RPRD2: variants seen among roughly 807,000 people sequenced by gnomAD.
RPRD2 encodes regulation of nuclear pre-mRNA domain containing 2, also known as regulation of nuclear pre-mRNA domain-containing protein 2.
RPRD2 carries 12 observed loss-of-function variants against 104.4 expected under a neutral mutation model. The ratio of observed to expected loss-of-function variants is 0.11; its 90% CI spans 0.07 to 0.19. The LOEUF is 0.19. Among genes scored for constraint, RPRD2 ranks in the 10% least tolerant of loss-of-function variants. RPRD2 has a pLI of 1.00. For missense variants in RPRD2, 1,543 were observed against 1,790.1 expected (o/e 0.86, Z 2.49); for synonymous variants, 714 against 684.9 (o/e 1.04, Z -0.66).
chr1:150,382,445 C>T (rs997440550), intron 1 of RPRD2, among the ~76,000 whole-genome samples: 7 of 152,058 alleles, frequency 4.6e-5, no homozygotes, highest in African/African-American at 1.2e-4. Context: ...AGTGCAATGG[C>T]GATCTCGGCT....
At chr1:150,414,986 CA>C (rs1553888315) in intron 1 of RPRD2, among the ~76,000 whole-genome samples, 2 of 152,110 alleles carry the variant, frequency 1.3e-5, no homozygotes, top group African/African-American at 4.8e-5. Context: ...CGTGCATATA[CA>C]TATGTTGAGA....
chr1:150,443,551 C>T (rs1666545814), intron 5 of RPRD2, among the ~76,000 whole-genome samples: 1 of 152,106 alleles, frequency 6.6e-6, no homozygotes, highest in South Asian at 2.1e-4. Context: ...GTTTATTTTC[C>T]TGTGAAACTC....
chr1:150,418,681 A>C (rs1664544680), intron 2 of RPRD2, among the ~76,000 whole-genome samples: 1 of 152,126 alleles, frequency 6.6e-6, no homozygotes, highest in Admixed American at 6.6e-5. Context: ...CATATCAATA[A>C]TTTTATTTCT....
rs1335523615 is a variant in RPRD2, at chr1:150,471,319, C to T, written c.2371C>T (p.Pro791Ser). ...ELSNSVSTYR[P>S]FGLGSESPYK... ...CTCCAATTCTGTATCTACATATCGA[C>T]CCTTTGGTCTGGGCAGTGAATCTCC... is the stretch of plus-strand genomic sequence containing the variant. The change falls in exon 11 of 11, where the codon CCC becomes TCC. Residue 791 changes from proline to serine, a missense_variant. By Grantham distance (74) the Pro-to-Ser change is moderately conservative. Around this residue, in one of 4 missense-constraint regions of RPRD2, gnomAD observed 880 missense variants for 885.6 expected, o/e 0.99. Transcript: ENST00000369068. The surrounding 1 kb of genome is among the most constrained non-coding windows in gnomAD (Gnocchi z 5.3). The T allele has an allele frequency of 4.3e-6, 7 of 1,613,674 alleles. No individual in the cohort carries two copies. Among genetic ancestry groups the T allele is most frequent in the Middle Eastern group, 3.3e-4 (2 of 6,062 alleles).
chr1:150,406,771 A>G (rs1415883647), intron 1 of RPRD2, among the ~76,000 whole-genome samples: 3 of 152,092 alleles, frequency 2.0e-5, no homozygotes, highest in African/African-American at 4.8e-5. Flanking sequence ...CTGGAGTGCA[A>G]TGGCGTGATC....
chr1:150,386,254 A>G (rs1328700789), intron 1 of RPRD2, among the ~76,000 whole-genome samples: 2 of 152,098 alleles, frequency 1.3e-5, no homozygotes, highest in Non-Finnish European at 2.9e-5. Flanking sequence ...GATTACAGGC[A>G]TGAGCCACCG....
At position 150,432,192 on chromosome 1, in the gene RPRD2, A is replaced by C. The variant is rs1665649418; in HGVS notation, c.336-8731A>C. Among the ~76,000 whole-genome samples the C allele has an allele frequency of 2.0e-5, 3 of 147,412 alleles. No homozygotes were observed. In the South Asian group the frequency reaches 6.4e-4, roughly 31 times the overall value. ...CTAAATCTTAAAAAAAAAAAAAAAA[A>C]GAAAGAAAAGTCTGATAAATGCTAC... On this transcript the variant is annotated intron_variant, in intron 2 of 10. Coordinates refer to ENST00000369068, the MANE Select transcript of RPRD2 (RefSeq NM_015203.5).
chr1:150,396,250 TAATC>T, intron 1 of RPRD2, among the ~76,000 whole-genome samples: 1 of 151,966 alleles, frequency 6.6e-6, no homozygotes. Context: ...TTCTGGAAAT[TAATC>T]ATTTGTTAGA....
intron 6 of RPRD2, among the ~76,000 whole-genome samples, chr1:150,444,656 A>C (rs1666638229): frequency 1.3e-5 from 2 of 152,196 alleles, no homozygotes; most frequent in Non-Finnish European, 2.9e-5. Flanking sequence ...AAGTCACTCT[A>C]ATGCCTCATA....
intron 4 of RPRD2, among the ~76,000 whole-genome samples, chr1:150,442,612 T>C (rs782785674): frequency 6.6e-6 from 1 of 152,106 alleles, no homozygotes; most frequent in Non-Finnish European, 1.5e-5. Context: ...ATACTTGGGA[T>C]GGTTTTGCTC....
intron 1 of RPRD2, among the ~76,000 whole-genome samples, chr1:150,385,592 A>T (rs1300357877): frequency 6.6e-6 from 1 of 152,280 alleles, no homozygotes. Context: ...ATGGGTTATC[A>T]TAATACAAAT....
At chr1:150,443,791 G>A (rs1287643229) in intron 5 of RPRD2, among the ~76,000 whole-genome samples, 2 of 151,912 alleles carry the variant, frequency 1.3e-5, no homozygotes, top group Non-Finnish European at 2.9e-5. Flanking sequence ...GGATCACGAG[G>A]TCAGGAGATC....
At chr1:150,384,701 T>C (rs1661433219) in intron 1 of RPRD2, among the ~76,000 whole-genome samples, 3 of 145,862 alleles carry the variant, frequency 2.1e-5, no homozygotes. Context: ...GAGACCAGGT[T>C]TCACCCTGTT....
rs200853046 is a variant in RPRD2 at position 150,365,670 on chromosome 1, A to G, written c.205+751A>G. On this transcript the variant is annotated intron_variant, in intron 1 of 10. Transcript: ENST00000369068. ...AGTGGCGCGATCTCGGCTCACTGCA[A>G]CCTCCACCTCCCGGGTTCAAGCGAT... Among the ~76,000 whole-genome samples, 30 of 151,790 alleles carry G rather than the reference A, an allele frequency of 2.0e-4. No individual in the cohort carries two copies. The East Asian group carries it at 4.5e-3, about 23-fold the overall frequency.
chr1:150,465,268 C>T (rs1668191165), intron 10 of RPRD2, among the ~76,000 whole-genome samples: 1 of 152,034 alleles, frequency 6.6e-6, no homozygotes, highest in Non-Finnish European at 1.5e-5. Context: ...CAGGTGCCCA[C>T]CACCACATCC....
intron 7 of RPRD2, among the ~76,000 whole-genome samples, chr1:150,452,901 C>G (rs1159316990): frequency 6.6e-6 from 1 of 152,054 alleles, no homozygotes; most frequent in Non-Finnish European, 1.5e-5. Context: ...AACTCCTGAC[C>G]TCAGGTGATC....
chr1:150,375,650 C>G (rs1334150688), intron 1 of RPRD2, among the ~76,000 whole-genome samples: 1 of 152,162 alleles, frequency 6.6e-6, no homozygotes, highest in Non-Finnish European at 1.5e-5. Context: ...ATAGTTGCAT[C>G]AAAATTCTTT....
intron 1 of RPRD2, among the ~76,000 whole-genome samples, chr1:150,373,797 A>T (rs1249945601): frequency 3.9e-5 from 6 of 152,200 alleles, no homozygotes; most frequent in Non-Finnish European, 7.3e-5. Flanking sequence ...TGTCTAGTAT[A>T]TGGATTGTTT....
chr1:150,380,644 G>T (rs1490705269), intron 1 of RPRD2, among the ~76,000 whole-genome samples: 1 of 151,142 alleles, frequency 6.6e-6, no homozygotes, highest in Non-Finnish European at 1.5e-5. Context: ...ACCACACCCG[G>T]CTCCTATTTT....
Sources: gnomAD v4.1 joint callset for allele counts (sites outside exome capture counted in the v4.1 genomes callset) on GRCh38, gnomAD v4.1.1 for gene constraint, gnomAD v4.1.1 regional missense constraint, Gnocchi (gnomAD v3.1) non-coding constraint, MANE v1.5 for transcripts, NCBI Gene and HGNC (gene_info 2026-07-23, HGNC 2026-07-21) for gene names.